Variants in RBMS1 observed in about 807,000 individuals in gnomAD.
RBMS1 encodes the protein RNA binding motif single stranded interacting protein 1, also known as RNA-binding motif, single-stranded-interacting protein 1.
A neutral mutation model predicts 62.3 loss-of-function variants in RBMS1; 17 were observed. The observed-to-expected ratio is 0.27, with a 90% CI of 0.19 to 0.41. The LOEUF (loss-of-function observed/expected upper bound fraction) is 0.41, where lower values mean the gene tolerates loss of function less well. RBMS1 is among the 10% of genes least tolerant of loss of function. The pLI, the probability that RBMS1 is intolerant of heterozygous loss-of-function variation, is 1.00. For missense variants in RBMS1, 334 were observed against 504.5 expected (o/e 0.66, Z 3.24); for synonymous variants, 172 against 170.0 (o/e 1.01, Z -0.09).
chr2:160,464,610 A>T (rs966471531), intron 1 of RBMS1, among the ~76,000 whole-genome samples: 3 of 152,196 alleles, frequency 2.0e-5, no homozygotes, highest in Admixed American at 6.5e-5. Flanking sequence ...TCAGGTGGTT[A>T]TATTGGTATC....
chr2:160,367,413 C>G, intron 1 of RBMS1, 22 bp from the exon 2 acceptor site: 3 of 1,612,688 alleles, frequency 1.9e-6, no homozygotes, highest in Non-Finnish European at 2.5e-6. Flanking sequence ...AGATCAGGAG[C>G]CTTAGTATGC....
intron 1 of RBMS1, among the ~76,000 whole-genome samples, chr2:160,438,260 T>C (rs954178013): frequency 1.5e-4 from 11 of 73,460 alleles, no homozygotes; most frequent in East Asian, 9.0e-4. Context: ...CTCAATACTT[T>C]CTTTTTTTTT....
intron 2 of RBMS1, among the ~76,000 whole-genome samples, chr2:160,361,813 A>G (rs985785121): frequency 6.6e-6 from 1 of 152,202 alleles, no homozygotes; most frequent in Non-Finnish European, 1.5e-5. Context: ...TGGGCAACAC[A>G]GTGAGACCCC....
intron 3 of RBMS1, among the ~76,000 whole-genome samples, chr2:160,317,514 C>G (rs1690290815): frequency 6.6e-6 from 1 of 152,168 alleles, no homozygotes; most frequent in African/African-American, 2.4e-5. Context: ...TAGACGCCTC[C>G]TCTTCCAGCT....
chr2:160,326,283 C>T (rs1324487269), intron 2 of RBMS1, among the ~76,000 whole-genome samples: 2 of 152,098 alleles, frequency 1.3e-5, no homozygotes, highest in African/African-American at 4.8e-5. Flanking sequence ...AAAAATACAG[C>T]AGATGCCACA....
rs1045161079 is a variant in RBMS1 at position 160,313,234 on chromosome 2, G to A, written c.324C>T (p.Val108=). 18 of 1,613,024 alleles carry A rather than the reference G, an allele frequency of 1.1e-5. No individual in the cohort carries two copies. Among genetic ancestry groups the A allele is most frequent in the East Asian group, 2.2e-5 (1 of 44,792 alleles). ...TTNKCKGYGF[V]DFDSPAAAQK... ...GAGCTGCTGCAGGGCTGTCAAAGTC[G>A]ACAAAACCATAACCTGAAATGCAAA... Residue 108 remains valine, a synonymous_variant, in exon 4 of 14, where the codon GTC becomes GTT. Transcript: ENST00000348849.
At chr2:160,427,038 C>T (rs140146192) in intron 1 of RBMS1, among the ~76,000 whole-genome samples, 104 of 152,258 alleles carry the variant, frequency 6.8e-4, no homozygotes, top group African/African-American at 2.4e-3. Context: ...TCTGCCTTAA[C>T]GTGTTAGACT....
chr2:160,359,934 T>G (rs1438796758), intron 2 of RBMS1, among the ~76,000 whole-genome samples: 1 of 152,136 alleles, frequency 6.6e-6, no homozygotes, highest in Non-Finnish European at 1.5e-5. Flanking sequence ...TAATTTCTTA[T>G]GACAGTAAGA....
chr2:160,487,725 T>A (rs539011859), intron 1 of RBMS1, among the ~76,000 whole-genome samples: 26 of 152,342 alleles, frequency 1.7e-4, no homozygotes, highest in African/African-American at 6.3e-4. Flanking sequence ...ACTTTTAGAA[T>A]CTAGGTTTTC....
At chr2:160,431,369 G>A (rs1465778927) in intron 1 of RBMS1, among the ~76,000 whole-genome samples, 1 of 151,658 alleles carries the variant, frequency 6.6e-6, no homozygotes, top group African/African-American at 2.4e-5. Flanking sequence ...TGGTACAAAG[G>A]TTCTCATTAC....
At chr2:160,390,838 T>G (rs967170685) in intron 1 of RBMS1, among the ~76,000 whole-genome samples, 1 of 151,308 alleles carries the variant, frequency 6.6e-6, no homozygotes, top group Non-Finnish European at 1.5e-5. Flanking sequence ...ATATTTAAGC[T>G]ATTAATATTT....
chr2:160,493,675 T>G lies in RBMS1; in HGVS notation c.-312A>C. 2.3e-6 allele frequency: 1 copy of G among 431,720 alleles called. No homozygotes were observed. The highest frequency in any genetic ancestry group is 2.4e-5 in the South Asian group (1 of 41,744). The allele number at this position is 431,720 out of a possible 1,614,324, so 26.7% of individuals were successfully genotyped here. A position where few individuals can be genotyped will look rare whatever the true frequency, so the allele number is the denominator to read the frequency against. On this transcript the variant is annotated 5_prime_UTR_variant, in exon 1 of 14. Coordinates refer to ENST00000348849, the MANE Select transcript of RBMS1 (RefSeq NM_016836.4). ...AAGGAGTTTCCTCCCGGAGCCCGAC[T>G]GCTCCGGGGCTGCCAAGGGCTGGCG...
At chr2:160,383,986 A>C (rs1694431842) in intron 1 of RBMS1, among the ~76,000 whole-genome samples, 1 of 152,198 alleles carries the variant, frequency 6.6e-6, no homozygotes. Flanking sequence ...TCACAAGGTC[A>C]GGAGATCGAG....
At chr2:160,485,324 A>G (rs548981607) in intron 1 of RBMS1, among the ~76,000 whole-genome samples, 1 of 152,304 alleles carries the variant, frequency 6.6e-6, no homozygotes, top group Admixed American at 6.5e-5. Flanking sequence ...CCTTGTTGAA[A>G]GATTGTAGAA....
chr2:160,491,805 G>GA (rs1685841357), intron 1 of RBMS1, among the ~76,000 whole-genome samples: 1 of 152,166 alleles, frequency 6.6e-6, no homozygotes. Context: ...GTAGCTCACA[G>GA]AAAACTAGCA....
At chr2:160,275,588 CTTGATT>C in intron 13 of RBMS1, 36 bp downstream of exon 13, 1 of 1,602,214 alleles carries the variant, frequency 6.2e-7, no homozygotes, top group Non-Finnish European at 8.5e-7. Flanking sequence ...ATAGATTGTG[CTTGATT>C]TGAGCCCCCC....
chr2:160,282,240 A>T (rs1256350551), intron 9 of RBMS1: 1 of 1,367,670 alleles, frequency 7.3e-7, no homozygotes. Flanking sequence ...ATGGGGGAAG[A>T]ATGTATTGCG....
At chr2:160,443,360 T>C (rs1174669616) in intron 1 of RBMS1, among the ~76,000 whole-genome samples, 1 of 152,136 alleles carries the variant, frequency 6.6e-6, no homozygotes, top group East Asian at 1.9e-4. Context: ...AAGCATGTGC[T>C]ATAGTCTGAA....
intron 6 of RBMS1, among the ~76,000 whole-genome samples, chr2:160,299,074 C>T (rs1468208607): frequency 6.7e-6 from 1 of 149,154 alleles, no homozygotes; most frequent in Non-Finnish European, 1.5e-5. Context: ...GTTTAAGCCA[C>T]TCAGCTTGTG....
Sources: gnomAD v4.1 joint callset for allele counts (sites outside exome capture counted in the v4.1 genomes callset) on GRCh38, gnomAD v4.1.1 for gene constraint, MANE v1.5 for transcripts, NCBI Gene and HGNC (gene_info 2026-07-23, HGNC 2026-07-21) for gene names.